The following ABCB11 variants were observed in gnomAD, a reference collection of about 807,000 sequenced individuals.
ABCB11 encodes bile salt export pump.
Under a neutral mutation model 148.0 loss-of-function variants are expected in ABCB11, and 95 were observed. That is an observed-to-expected ratio of 0.64 (90% CI 0.54 to 0.76). The LOEUF is 0.76. Among genes scored for constraint, ABCB11 ranks in the 30% least tolerant of loss-of-function variants. The probability of loss-of-function intolerance (pLI) is 0.00; values close to 1 mark genes in which losing one functional copy is unlikely to be tolerated. For synonymous variants in ABCB11, 591 were observed against 555.4 expected (o/e 1.06, Z -0.90); for missense variants, 1,523 against 1,617.8 (o/e 0.94, Z 1.01).
At chr2:168,974,390 T>C (rs1384271759) in intron 12 of ABCB11, among the ~76,000 whole-genome samples, 1 of 151,900 alleles carries the variant, frequency 6.6e-6, no homozygotes, top group Non-Finnish European at 1.5e-5. Context: ...GGCTAGTAGG[T>C]CTTGCGAGGA....
chr2:168,958,984 C>G (rs1359257254), intron 18 of ABCB11, among the ~76,000 whole-genome samples: 1 of 151,454 alleles, frequency 6.6e-6, no homozygotes, highest in Non-Finnish European at 1.5e-5. Flanking sequence ...TGACATTTAC[C>G]AAAAATATAT....
chr2:169,011,209 T>G (rs1053701378), intron 5 of ABCB11, among the ~76,000 whole-genome samples: 2 of 152,208 alleles, frequency 1.3e-5, no homozygotes, highest in Non-Finnish European at 2.9e-5. Flanking sequence ...CATGATAAGA[T>G]ATACTTGAGG....
At chr2:168,958,222 T>C (rs1692888530) in intron 18 of ABCB11, 94 bp from the exon 19 acceptor site, 9 of 1,277,624 alleles carry the variant, frequency 7.0e-6, no homozygotes, top group Admixed American at 3.5e-5. Flanking sequence ...GAGTCATAGT[T>C]TGATTAGTTA....
intron 18 of ABCB11, among the ~76,000 whole-genome samples, chr2:168,963,760 G>A (rs1343622069): frequency 6.6e-6 from 1 of 151,774 alleles, no homozygotes; most frequent in Non-Finnish European, 1.5e-5. Context: ...ATAAGGGCTA[G>A]CCTATTCAAA....
downstream of ABCB11, among the ~76,000 whole-genome samples, chr2:168,919,572 G>T (rs902475404): frequency 1.3e-5 from 2 of 151,878 alleles, no homozygotes; most frequent in Non-Finnish European, 2.9e-5. Context: ...TCTTGAGTTA[G>T]GTCATCTGTT....
At chr2:168,952,689 TTG>T (rs1491163095) in intron 19 of ABCB11, among the ~76,000 whole-genome samples, 3,837 of 121,122 alleles carry the variant, frequency 0.032, 107 homozygotes, top group African/African-American at 0.075. Flanking sequence ...TTTTTTTTTT[TTG>T]TTTGTTTCTA....
At chr2:168,988,913 G>A (rs568529671) in intron 9 of ABCB11, among the ~76,000 whole-genome samples, 30 of 151,922 alleles carry the variant, frequency 2.0e-4, no homozygotes, top group South Asian at 1.5e-3. Context: ...CTTTTTGTAC[G>A]TTTCTATTTG....
intron 11 of ABCB11, among the ~76,000 whole-genome samples, chr2:168,976,926 G>A (rs1024948786): frequency 6.6e-6 from 1 of 150,748 alleles, no homozygotes; most frequent in Non-Finnish European, 1.5e-5. Flanking sequence ...GCAGAGATAC[G>A]CCAAAGATGT....
At position 168,942,537 on chromosome 2, in the gene ABCB11, C is replaced by T. The variant is rs542111038; in HGVS notation, c.2610+2068G>A. On this transcript the variant is annotated intron_variant, in intron 21 of 27. Transcript: ENST00000650372. ...AAAAAAATAGAAAGAATTAATAAGA[C>T]ATACTATTTGATAGCACAATAGAAT... Among the ~76,000 whole-genome samples, 9 of 151,306 alleles carry T rather than the reference C, an allele frequency of 5.9e-5. No homozygotes were observed. In the East Asian group the frequency reaches 1.8e-3, roughly 29 times the overall value.
chr2:168,932,730 A>G (rs181802453), intron 23 of ABCB11, among the ~76,000 whole-genome samples, 197 bp from the exon 24 acceptor site: 2 of 152,270 alleles, frequency 1.3e-5, no homozygotes, highest in East Asian at 3.9e-4. Flanking sequence ...TGTTCTATGA[A>G]AAAGGAGTAA....
intron 11 of ABCB11, 109 bp downstream of exon 11, chr2:168,979,757 G>T: frequency 4.0e-6 from 2 of 505,124 alleles, no homozygotes; most frequent in Non-Finnish European, 7.1e-6. Context: ...AGGGCCTTGC[G>T]ATAGCTTCTT....
rs1491587143 is a variant in ABCB11, at chr2:168,969,131, A to AAG, written c.2011+218_2011+219insCT. ...TGCGCAGGGTTAAAAAAAAAAAAAAAGGGGGGGATGGAATTGAAAGTTAGA... is the reference window on the plus strand; with the variant it reads ...TGCGCAGGGTTAAAAAAAAAAAAAAAAGGGGGGGGATGGAATTGAAAGTTAGA... On this transcript the variant is annotated intron_variant, in intron 16 of 27. Coordinates refer to ENST00000650372, the MANE Select transcript of ABCB11 (RefSeq NM_003742.4). 4.6e-3 allele frequency among the ~76,000 whole-genome samples: 617 copies of AAG among 132,732 alleles called. 6 individuals carry two copies. The highest frequency in any genetic ancestry group is 0.018 in the African/African-American group (573 of 32,468). 87.1% of individuals were successfully genotyped at this position (132,732 alleles called of 152,430 possible).
intron 25 of ABCB11, among the ~76,000 whole-genome samples, chr2:168,930,371 C>T (rs1471342407): frequency 1.3e-5 from 2 of 152,154 alleles, no homozygotes; most frequent in Non-Finnish European, 2.9e-5. Context: ...GCTCCATTTA[C>T]GGGTAAGTGA....
At chr2:169,014,652 CT>C (rs1213414244) in intron 3 of ABCB11, among the ~76,000 whole-genome samples, 4 of 152,272 alleles carry the variant, frequency 2.6e-5, no homozygotes, top group African/African-American at 9.6e-5. Context: ...ACAAATAACT[CT>C]TTGCCCTCAG....
intron 19 of ABCB11, among the ~76,000 whole-genome samples, chr2:168,957,664 G>A (rs1574431319): frequency 6.6e-6 from 1 of 151,716 alleles, no homozygotes; most frequent in Non-Finnish European, 1.5e-5. Context: ...ATTTTGATTA[G>A]GTTTGATATA....
chr2:168,922,750 A>T lies in ABCB11; in HGVS notation c.*872T>A, dbSNP rs1468103359. 2.6e-5 allele frequency among the ~76,000 whole-genome samples: 4 copies of T among 152,186 alleles called. No individual in the cohort carries two copies. The highest frequency in any genetic ancestry group is 5.9e-5 in the Non-Finnish European group (4 of 68,028). Reference sequence around the variant, plus strand: ...AGGGGCAAATGAGTGCTTTTCTGCCATATTTACTTGCTTTTTTGTATAAAA... The same window carrying T: ...AGGGGCAAATGAGTGCTTTTCTGCCTTATTTACTTGCTTTTTTGTATAAAA... On this transcript the variant is annotated 3_prime_UTR_variant, in exon 28 of 28. Transcript: ENST00000650372.
intron 23 of ABCB11, among the ~76,000 whole-genome samples, chr2:168,933,065 C>T (rs34526705): frequency 0.11 from 15,517 of 146,916 alleles, 1,004 homozygotes; most frequent in Non-Finnish European, 0.15. Context: ...GCCAAGATCG[C>T]GCCACTGCAC....
chr2:168,993,757 A>T lies in ABCB11; in HGVS notation c.737T>A (p.Ile246Asn). 1 of 1,610,560 alleles carries T rather than the reference A, an allele frequency of 6.2e-7. No individual in the cohort carries two copies. The highest frequency in any genetic ancestry group is 8.5e-7 in the Non-Finnish European group (1 of 1,178,228). Reference sequence around the variant, plus strand: ...AATCCCAATGAGAGGGCTGACAGAAATAATAACCAAGGTCAGTTTCCAACC... The same window carrying T: ...AATCCCAATGAGAGGGCTGACAGAATTAATAACCAAGGTCAGTTTCCAACC... ...FRGWKLTLVI[I>N]SVSPLIGIGA... is the part of the protein sequence containing the mutation. Residue 246 changes from isoleucine (I) to asparagine (N), a missense_variant, in exon 8 of 28, where the codon ATT becomes AAT. Transcript: ENST00000650372.
intron 8 of ABCB11, among the ~76,000 whole-genome samples, chr2:168,993,195 T>C (rs992980626): frequency 2.6e-5 from 4 of 152,136 alleles, no homozygotes; most frequent in Admixed American, 2.6e-4. Context: ...CCTTCTTGTG[T>C]GCTTGTTAAT....
Sources: allele counts gnomAD v4.1 joint callset (sites outside exome capture counted in the v4.1 genomes callset), GRCh38; gene constraint gnomAD v4.1.1; transcripts MANE v1.5; gene names NCBI Gene and HGNC (gene_info 2026-07-23, HGNC 2026-07-21).